CENPS: variants seen among roughly 807,000 people sequenced by gnomAD.
CENPS encodes the protein FANCM associated histone fold protein 1.
Under a neutral mutation model 17.9 loss-of-function variants are expected in CENPS, and 16 were observed. The observed-to-expected ratio is 0.90, with a 90% CI of 0.61 to 1.36. CENPS has a LOEUF of 1.36. Among genes scored for constraint, CENPS ranks in the 40% most tolerant of loss-of-function variants. CENPS has a pLI of 0.00. For synonymous variants in CENPS, 49 were observed against 55.8 expected (o/e 0.88, Z 0.54); for missense variants, 160 against 158.6 (o/e 1.01, Z -0.05).
At position 10,434,650 on chromosome 1, in the gene CENPS, C is replaced by G; in HGVS notation, c.176-7C>G. 6.2e-7 allele frequency: 1 copy of G among 1,600,522 alleles called. No individual in the cohort carries two copies. Among genetic ancestry groups the G allele is most frequent in the Non-Finnish European group, 8.5e-7 (1 of 1,176,408 alleles). Reference sequence around the variant, plus strand: ...CCTAAAGTGTGTATCTTTTTTTTCTCTTTCAGAAAATTTTGCCAAAGACCT... The same window carrying G: ...CCTAAAGTGTGTATCTTTTTTTTCTGTTTCAGAAAATTTTGCCAAAGACCT... On this transcript the variant is annotated splice_polypyrimidine_tract_variant and splice_region_variant and intron_variant, in intron 2 of 4. Transcript: ENST00000309048.
rs111588673 is a variant in CENPS at position 10,436,732 on chromosome 1, GA to G, written c.209+2052del. Among the ~76,000 whole-genome samples the G allele has an allele frequency of 7.1e-5, 10 of 140,748 alleles. No individual in the cohort carries two copies. The East Asian group carries it at 8.4e-4, about 12-fold the overall frequency. The allele number at this position is 140,748 out of a possible 152,430, so 92.3% of individuals were successfully genotyped here. A position where few individuals can be genotyped will look rare whatever the true frequency, so the allele number is the denominator to read the frequency against. ...TTAAAAAAAAAAAAAGAAAAGAAAAGAAAAAAAAAAGTTTGTGGAAACGCTT... is the reference window on the plus strand; with the variant it reads ...TTAAAAAAAAAAAAAGAAAAGAAAAGAAAAAAAAAGTTTGTGGAAACGCTT... On this transcript the variant is annotated intron_variant, in intron 3 of 4. Transcript: ENST00000309048.
intron 1 of CENPS, chr1:10,430,865 C>T: frequency 7.6e-7 from 1 of 1,311,100 alleles, no homozygotes; most frequent in Non-Finnish European, 9.7e-7. Flanking sequence ...TCCTCGGTTT[C>T]CCCTTCTCAG....
chr1:10,431,855 GA>G lies in CENPS; in HGVS notation c.51+1303del, dbSNP rs5772410. 3.5e-3 allele frequency among the ~76,000 whole-genome samples: 418 copies of G among 118,764 alleles called. 1 individual carries two copies. The highest frequency in any genetic ancestry group is 6.2e-3 in the Admixed American group (71 of 11,362). 77.9% of individuals were successfully genotyped at this position (118,764 alleles called of 152,430 possible). A position where few individuals can be genotyped will look rare whatever the true frequency, so the allele number is the denominator to read the frequency against. Reference sequence around the variant, plus strand: ...GGTGACAGAGCGAGACTCCATCTCAGAAAAAAAAAAAAAAAAGGCATTCTCC... The same window carrying G: ...GGTGACAGAGCGAGACTCCATCTCAGAAAAAAAAAAAAAAAGGCATTCTCC... On this transcript the variant is annotated intron_variant, in intron 1 of 4. Transcript: ENST00000309048.
At chr1:10,437,496 G>A (rs1205098936) in intron 3 of CENPS, among the ~76,000 whole-genome samples, 2 of 133,034 alleles carry the variant, frequency 1.5e-5, no homozygotes, top group African/African-American at 5.7e-5. Flanking sequence ...TCACTCTGTC[G>A]CCCAGGCTGG....
At chr1:10,434,802 G>C in intron 3 of CENPS, 112 bp downstream of exon 3, 1 of 1,387,700 alleles carries the variant, frequency 7.2e-7, no homozygotes, top group Non-Finnish European at 9.5e-7. Flanking sequence ...CGTGTGTTTT[G>C]TGGAGGCTTG....
chr1:10,431,152 G>A lies in CENPS; in HGVS notation c.51+584G>A, dbSNP rs484416. 0.085 allele frequency: 122,164 copies of A among 1,445,608 alleles called. 6,170 individuals are homozygous for A. The highest frequency in any genetic ancestry group is 0.16 in the East Asian group (6,420 of 39,782). 89.5% of individuals were successfully genotyped at this position (1,445,608 alleles called of 1,614,324 possible). The stretch of plus-strand genomic sequence containing the variant: ...ATAAGAATAATCACTTGTCAGGGTA[G>A]CTGCGGGCATCCCATTCGTTCCTTT... On this transcript the variant is annotated intron_variant, in intron 1 of 4. Transcript: ENST00000309048.
Position 10,433,843 on chromosome 1 carries a change from G to C in CENPS, c.53G>C (p.Arg18Thr). ...EEQQRFSYQQ[R>T]LKAAVHYTVG... ...AAATATTTTGATGTTTTTCCCCAGA[G>C]GCTAAAGGCAGCAGTTCACTATACT... Residue 18 changes from arginine (R) to threonine (T), a missense_variant and splice_region_variant, in exon 2 of 5, where the codon AGG (arginine) becomes ACG (threonine). Coordinates refer to ENST00000309048, the MANE Select transcript of CENPS (RefSeq NM_199294.3). 1 of 1,614,080 alleles carries C rather than the reference G, an allele frequency of 6.2e-7. No individual in the cohort carries two copies. The highest frequency in any genetic ancestry group is 1.3e-5 in the African/African-American group (1 of 75,036).
intron 1 of CENPS, chr1:10,431,027 C>A: frequency 7.5e-7 from 1 of 1,335,568 alleles, no homozygotes. Context: ...ACCAGTCAGG[C>A]CCAGAGCTCG....
intron 3 of CENPS, among the ~76,000 whole-genome samples, chr1:10,439,510 G>A (rs981533502): frequency 2.0e-4 from 31 of 152,274 alleles, no homozygotes; most frequent in South Asian, 4.2e-4. Context: ...CACTTTGGGA[G>A]GCAGCTGGAT....
intron 3 of CENPS, among the ~76,000 whole-genome samples, chr1:10,437,461 T>C (rs1265978719): frequency 9.2e-6 from 1 of 109,114 alleles, no homozygotes; most frequent in East Asian, 2.8e-4. Flanking sequence ...TTTTTGTTTT[T>C]TGTTTTTTGT....
At chr1:10,432,187 A>G (rs1243445452) in intron 1 of CENPS, among the ~76,000 whole-genome samples, 5 of 151,990 alleles carry the variant, frequency 3.3e-5, no homozygotes, top group African/African-American at 1.2e-4. Flanking sequence ...TCCCAGGTTC[A>G]GGAGATTCTC....
At chr1:10,431,437 C>T (rs1032274293) in intron 1 of CENPS, 2 of 1,532,956 alleles carry the variant, frequency 1.3e-6, no homozygotes. Context: ...CCTTGATTCA[C>T]CACTAGTTAG....
chr1:10,442,490 TTAAA>T lies in CENPS; in HGVS notation c.*88_*91del. ...TGGCTGCAAAGGAAACTTTGAAGGG[TTAAA>T]TAGAGATTTAAAAAAATAAAATAAA... On this transcript the variant is annotated 3_prime_UTR_variant, in exon 5 of 5. Coordinates refer to ENST00000309048, the MANE Select transcript of CENPS (RefSeq NM_199294.3). 4 of 1,398,608 alleles carry T rather than the reference TTAAA, an allele frequency of 2.9e-6. No homozygotes were observed. Among genetic ancestry groups the T allele is most frequent in the Non-Finnish European group, 3.7e-6 (4 of 1,074,720 alleles). The allele number at this position is 1,398,608 out of a possible 1,614,324, so 86.6% of individuals were successfully genotyped here.
At chr1:10,431,757 G>A (rs1161381686) in intron 1 of CENPS, among the ~76,000 whole-genome samples, 1 of 151,572 alleles carries the variant, frequency 6.6e-6, no homozygotes, top group Non-Finnish European at 1.5e-5. Context: ...GGGACGTTGA[G>A]GCAGGGGAAT....
rs759492323 is a variant in CENPS at position 10,442,444 on chromosome 1, A to G, written c.*39A>G. 150 of 1,508,572 alleles carry G rather than the reference A, an allele frequency of 9.9e-5. No homozygotes were observed. The highest frequency in any genetic ancestry group is 1.3e-4 in the Non-Finnish European group (145 of 1,137,316). 93.4% of individuals were successfully genotyped at this position (1,508,572 alleles called of 1,614,324 possible). On this transcript the variant is annotated 3_prime_UTR_variant, in exon 5 of 5. Coordinates refer to ENST00000309048, the MANE Select transcript of CENPS (RefSeq NM_199294.3). ...TTGGAAAGTGCAGCCTTCTACAGGT[A>G]GAGCCACCTAGAAATGCATATGGCT...
chr1:10,434,408 C>A (rs1036764846), intron 2 of CENPS, among the ~76,000 whole-genome samples: 2 of 152,158 alleles, frequency 1.3e-5, no homozygotes, highest in African/African-American at 4.8e-5. Context: ...AAGGCATAGT[C>A]ACAATTAACG....
intron 3 of CENPS, among the ~76,000 whole-genome samples, chr1:10,437,601 C>T (rs1640225549): frequency 2.0e-5 from 3 of 151,428 alleles, no homozygotes; most frequent in South Asian, 2.1e-4. Context: ...GGATTACAGG[C>T]GCCTGCCACT....
chr1:10,432,637 G>GGGAGGA (rs1005312239), intron 1 of CENPS, among the ~76,000 whole-genome samples: 2 of 151,982 alleles, frequency 1.3e-5, no homozygotes, highest in African/African-American at 2.4e-5. Context: ...CCAGGGGGAG[G>GGGAGGA]GGAGGAGGAG....
chr1:10,439,919 G>C lies in CENPS; in HGVS notation c.210-428G>C, dbSNP rs183950538. 2.1e-3 allele frequency among the ~76,000 whole-genome samples: 321 copies of C among 152,204 alleles called. 5 individuals are homozygous for C. Among genetic ancestry groups the C allele is most frequent in the East Asian group, 1.2e-3 (6 of 5,180 alleles). ...CTAAGTAAAGCCATCCTTTGTGGAG[G>C]TTCTCTTTGTTCTTCTATTTAATGT... On this transcript the variant is annotated intron_variant, in intron 3 of 4. Transcript: ENST00000309048.
Sources: allele counts gnomAD v4.1 joint callset (sites outside exome capture counted in the v4.1 genomes callset), GRCh38; gene constraint gnomAD v4.1.1; transcripts MANE v1.5; gene names NCBI Gene and HGNC (gene_info 2026-07-23, HGNC 2026-07-21).